Variants in SDK1 observed in about 807,000 individuals in gnomAD.
The protein encoded by SDK1 is sidekick cell adhesion molecule 1.
SDK1 carries 157 observed loss-of-function variants against 245.5 expected under a neutral mutation model. The ratio of observed to expected loss-of-function variants is 0.64; its 90% CI spans 0.56 to 0.73. The LOEUF is 0.73. Among genes scored for constraint, SDK1 ranks in the 30% least tolerant of loss-of-function variants. The pLI, the probability that SDK1 is intolerant of heterozygous loss-of-function variation, is 0.00. For synonymous variants in SDK1, 1,647 were observed against 1,278.5 expected (o/e 1.29, Z -6.15); for missense variants, 3,583 against 3,002.3 (o/e 1.19, Z -4.52).
chr7:3,321,693 T>TCTC (rs200316806), intron 1 of SDK1, among the ~76,000 whole-genome samples: 5 of 136,678 alleles, frequency 3.7e-5, no homozygotes, highest in Non-Finnish European at 6.2e-5. Flanking sequence ...CCTTCTTCCT[T>TCTC]CTCCTCCTCC....
At chr7:4,213,978 G>T (rs1784647347) in intron 38 of SDK1, among the ~76,000 whole-genome samples, 1 of 152,184 alleles carries the variant, frequency 6.6e-6, no homozygotes, top group Non-Finnish European at 1.5e-5. Flanking sequence ...TTGAGCTCAA[G>T]TCGGGCACTG....
At chr7:3,884,767 G>C (rs1467212147) in intron 5 of SDK1, among the ~76,000 whole-genome samples, 1 of 152,210 alleles carries the variant, frequency 6.6e-6, no homozygotes, top group Non-Finnish European at 1.5e-5. Flanking sequence ...TCTATAAATA[G>C]TTACATCTCT....
chr7:4,072,563 C>G (rs1780320375), intron 20 of SDK1, among the ~76,000 whole-genome samples: 1 of 152,204 alleles, frequency 6.6e-6, no homozygotes, highest in South Asian at 2.1e-4. Context: ...GCTGGCAGCA[C>G]CATGAAATTC....
Position 3,374,958 on chromosome 7 carries a change from A to G in SDK1, c.298+73074A>G, listed in dbSNP as rs181067204. On this transcript the variant is annotated intron_variant, in intron 1 of 44. Coordinates refer to ENST00000404826, the MANE Select transcript of SDK1 (RefSeq NM_152744.4). Reference sequence around the variant, plus strand: ...ACAGACTGTGTCTCTTTAGTTCACTATCGTATATCTAACACCTGTAATTGT... The same window carrying G: ...ACAGACTGTGTCTCTTTAGTTCACTGTCGTATATCTAACACCTGTAATTGT... Among the ~76,000 whole-genome samples, 48 of 152,322 alleles carry G rather than the reference A, an allele frequency of 3.2e-4. No homozygotes were observed. In the East Asian group the frequency reaches 7.9e-3, roughly 25 times the overall value.
At chr7:3,741,646 G>C (rs538953194) in intron 4 of SDK1, among the ~76,000 whole-genome samples, 2 of 152,228 alleles carry the variant, frequency 1.3e-5, no homozygotes, top group Admixed American at 6.5e-5. Flanking sequence ...TTTAAGCTAG[G>C]AGTGTATCAT....
chr7:3,332,407 A>C (rs1016842238), intron 1 of SDK1, among the ~76,000 whole-genome samples: 1 of 152,254 alleles, frequency 6.6e-6, no homozygotes, highest in East Asian at 1.9e-4. Flanking sequence ...GTAAATTCTT[A>C]TTCTGTGGGT....
chr7:4,232,455 A>C (rs1468634118), intron 40 of SDK1, among the ~76,000 whole-genome samples: 1 of 105,460 alleles, frequency 9.5e-6, no homozygotes, highest in African/African-American at 4.0e-5. Context: ...TAAAAATTGC[A>C]AAGTTCTTTG....
At chr7:4,039,170 G>C (rs1457880510) in intron 17 of SDK1, among the ~76,000 whole-genome samples, 2 of 142,142 alleles carry the variant, frequency 1.4e-5, no homozygotes, top group African/African-American at 2.8e-5. Context: ...GGGGAGCGGG[G>C]AGGGATAGCA....
intron 20 of SDK1, among the ~76,000 whole-genome samples, chr7:4,068,578 G>T (rs1222517750): frequency 6.6e-6 from 1 of 152,038 alleles, no homozygotes; most frequent in African/African-American, 2.4e-5. Flanking sequence ...CTGTGAGGCA[G>T]GTACTTCGGA....
rs116786249 is a variant in SDK1, at chr7:3,784,863, G to A, written c.714-36587G>A. ...GCAATCCCACCTCTGGGCATTTACCGAAAAGATTTGAAATCAGTGTGTTGA... is the reference window on the plus strand; with the variant it reads ...GCAATCCCACCTCTGGGCATTTACCAAAAAGATTTGAAATCAGTGTGTTGA... On this transcript the variant is annotated intron_variant, in intron 4 of 44. Transcript: ENST00000404826. Among the ~76,000 whole-genome samples, 178 of 152,282 alleles carry A rather than the reference G, an allele frequency of 1.2e-3. 1 individual carries two copies. The highest frequency in any genetic ancestry group is 4.1e-3 in the African/African-American group (169 of 41,552).
chr7:4,083,536 C>G (rs1209535355), intron 22 of SDK1, among the ~76,000 whole-genome samples: 1 of 93,598 alleles, frequency 1.1e-5, no homozygotes, highest in Non-Finnish European at 2.0e-5. Flanking sequence ...CTCCCTCCCT[C>G]CCTCCCTCCC....
chr7:4,073,893 G>A (rs543861836), intron 20 of SDK1, among the ~76,000 whole-genome samples: 4 of 152,304 alleles, frequency 2.6e-5, no homozygotes, highest in African/African-American at 9.6e-5. Context: ...CACTCAGCAC[G>A]GCCACAACAA....
intron 1 of SDK1, among the ~76,000 whole-genome samples, chr7:3,491,070 T>G (rs868582217): frequency 6.6e-6 from 1 of 152,226 alleles, no homozygotes; most frequent in Admixed American, 6.5e-5. Flanking sequence ...AGAGGTGTTA[T>G]CCCATTTTAT....
At chr7:3,448,463 T>TA (rs771026303) in intron 1 of SDK1, among the ~76,000 whole-genome samples, 1 of 151,748 alleles carries the variant, frequency 6.6e-6, no homozygotes, top group East Asian at 1.9e-4. Context: ...TGGTTTAGGG[T>TA]ATTTTTTTTT....
chr7:3,363,380 T>C (rs962013232), intron 1 of SDK1, among the ~76,000 whole-genome samples: 2 of 152,208 alleles, frequency 1.3e-5, no homozygotes, highest in African/African-American at 4.8e-5. Flanking sequence ...TAAAGACATC[T>C]GGGTTGTTTC....
At chr7:3,583,307 C>T (rs1000911311) in intron 1 of SDK1, among the ~76,000 whole-genome samples, 23 of 152,230 alleles carry the variant, frequency 1.5e-4, no homozygotes, top group Non-Finnish European at 2.9e-4. Context: ...AACAAATTTT[C>T]AGTGCATTAT....
intron 5 of SDK1, among the ~76,000 whole-genome samples, chr7:3,917,954 A>G (rs944120618): frequency 4.6e-5 from 7 of 152,176 alleles, no homozygotes; most frequent in African/African-American, 1.4e-4. Flanking sequence ...TAAAGCAGAA[A>G]CCACCTCTGT....
At chr7:3,488,249 A>C (rs1017129776) in intron 1 of SDK1, among the ~76,000 whole-genome samples, 1 of 152,134 alleles carries the variant, frequency 6.6e-6, no homozygotes, top group Non-Finnish European at 1.5e-5. Context: ...TCCTCTAATT[A>C]TAAATCTGGG....
intron 4 of SDK1, among the ~76,000 whole-genome samples, chr7:3,812,051 T>C (rs1239335008): frequency 6.6e-6 from 1 of 152,234 alleles, no homozygotes; most frequent in Non-Finnish European, 1.5e-5. Context: ...TTTATGCCTT[T>C]GCAGCTCTTG....
Sources: allele counts gnomAD v4.1 joint callset (sites outside exome capture counted in the v4.1 genomes callset), GRCh38; gene constraint gnomAD v4.1.1; transcripts MANE v1.5; gene names NCBI Gene and HGNC (gene_info 2026-07-23, HGNC 2026-07-21).